CNTN4: variants seen among roughly 807,000 people sequenced by gnomAD.
The protein encoded by CNTN4 is contactin 4.
A neutral mutation model predicts 122.5 loss-of-function variants in CNTN4; 77 were observed. That is an observed-to-expected ratio of 0.63 (90% confidence interval 0.52 to 0.76). The LOEUF (loss-of-function observed/expected upper bound fraction) is 0.76, where lower values mean the gene tolerates loss of function less well. Among genes scored for constraint, CNTN4 ranks in the 30% least tolerant of loss-of-function variants. The pLI, the probability that CNTN4 is intolerant of heterozygous loss-of-function variation, is 0.00. For synonymous variants in CNTN4, 512 were observed against 447.0 expected (o/e 1.15, Z -1.83); for missense variants, 1,256 against 1,259.1 (o/e 1.00, Z 0.04).
chr3:2,513,622 T>C (rs1396675163), intron 3 of CNTN4, among the ~76,000 whole-genome samples: 2 of 152,204 alleles, frequency 1.3e-5, no homozygotes, highest in Non-Finnish European at 2.9e-5. Context: ...ATTTAGAAAT[T>C]TCAACTTATA....
chr3:2,125,921 G>GTGTGTGTGTGTGTGTA (rs1553570977), intron 2 of CNTN4, among the ~76,000 whole-genome samples: 1 of 150,492 alleles, frequency 6.6e-6, no homozygotes, highest in East Asian at 1.9e-4. Context: ...GTGTGTGTGT[G>GTGTGTGTGTGTGTGTA]TGTGTGTATG....
At chr3:2,353,214 A>G (rs774655038) in intron 3 of CNTN4, among the ~76,000 whole-genome samples, 2 of 151,306 alleles carry the variant, frequency 1.3e-5, no homozygotes, top group African/African-American at 2.4e-5. Flanking sequence ...GAGAACTTTT[A>G]TGTCTAGCTA....
At chr3:2,209,388 T>C (rs2038505194) in intron 2 of CNTN4, among the ~76,000 whole-genome samples, 1 of 152,186 alleles carries the variant, frequency 6.6e-6, no homozygotes, top group Non-Finnish European at 1.5e-5. Context: ...AGTTGGCTGA[T>C]CAAGTAGCTA....
At chr3:2,714,664 G>C (rs1452843627) in intron 4 of CNTN4, among the ~76,000 whole-genome samples, 2 of 152,202 alleles carry the variant, frequency 1.3e-5, no homozygotes, top group Non-Finnish European at 2.9e-5. Flanking sequence ...GACAGCCAGT[G>C]GGAGCTTACT....
chr3:2,710,421 C>T (rs1032272130), intron 4 of CNTN4, among the ~76,000 whole-genome samples: 2 of 152,140 alleles, frequency 1.3e-5, no homozygotes, highest in Non-Finnish European at 2.9e-5. Flanking sequence ...GACAGCTGCA[C>T]CCAGAATTTC....
At chr3:3,011,723 C>G (rs1697249968) in intron 14 of CNTN4, among the ~76,000 whole-genome samples, 1 of 152,100 alleles carries the variant, frequency 6.6e-6, no homozygotes, top group Non-Finnish European at 1.5e-5. Context: ...ACATTTTGTC[C>G]TGACTTAGAG....
intron 7 of CNTN4, among the ~76,000 whole-genome samples, chr3:2,857,672 G>A (rs754833371): frequency 6.6e-6 from 1 of 152,062 alleles, no homozygotes; most frequent in Non-Finnish European, 1.5e-5. Flanking sequence ...TGACCTCCTG[G>A]GCGCAAGCGA....
chr3:2,373,300 T>G (rs923879293), intron 3 of CNTN4, among the ~76,000 whole-genome samples: 3 of 152,156 alleles, frequency 2.0e-5, no homozygotes, highest in African/African-American at 7.2e-5. Context: ...AGTGGCTGTT[T>G]AAAGACCTAG....
At position 2,866,753 on chromosome 3, in the gene CNTN4, G is replaced by T; in HGVS notation, c.456G>T (p.Glu152Asp). ...LLCGPPPHSGELSYAWIFNEY... is the reference protein window; with the variant it reads ...LLCGPPPHSGDLSYAWIFNEY... ...TAATGAAGATTTTTTTCCTTTCAGA[G>T]CTGAGTTATGCCTGGATCTTCAATG... The change falls in exon 8 of 25, where the codon GAG becomes GAT. Residue 152 changes from glutamate (E) to aspartate (D), a missense_variant and splice_region_variant. Physicochemically the swap from Glu to Asp is conservative, Grantham distance 45 (BLOSUM62 2). Transcript: ENST00000418658. 1.2e-6 allele frequency: 2 copies of T among 1,613,686 alleles called. No homozygotes were observed. Among genetic ancestry groups the T allele is most frequent in the Middle Eastern group, 1.7e-4 (1 of 6,058 alleles).
At chr3:2,702,901 A>G (rs2086440090) in intron 4 of CNTN4, among the ~76,000 whole-genome samples, 1 of 152,218 alleles carries the variant, frequency 6.6e-6, no homozygotes. Flanking sequence ...GACTTTTCAA[A>G]GGAAATGTGG....
intron 2 of CNTN4, among the ~76,000 whole-genome samples, chr3:2,117,289 A>G (rs1349459204): frequency 1.3e-5 from 2 of 152,198 alleles, no homozygotes; most frequent in South Asian, 2.1e-4. Context: ...GGATGTTACA[A>G]AGGATACAGA....
chr3:2,989,688 C>T (rs1694890502), intron 14 of CNTN4, among the ~76,000 whole-genome samples: 1 of 152,174 alleles, frequency 6.6e-6, no homozygotes, highest in Non-Finnish European at 1.5e-5. Flanking sequence ...TTAATTACTT[C>T]CTCAGAGCAC....
At chr3:2,345,517 C>T (rs1039962858) in intron 3 of CNTN4, among the ~76,000 whole-genome samples, 3 of 151,950 alleles carry the variant, frequency 2.0e-5, no homozygotes, top group South Asian at 2.1e-4. Flanking sequence ...GTTGAATGGC[C>T]GGAATATCAG....
intron 6 of CNTN4, among the ~76,000 whole-genome samples, chr3:2,808,409 A>G (rs1008010295): frequency 2.6e-5 from 4 of 152,186 alleles, no homozygotes; most frequent in African/African-American, 4.8e-5. Context: ...ACAACCTGCT[A>G]ATTTTAATTT....
chr3:2,748,574 A>G (rs1372842696), intron 6 of CNTN4, among the ~76,000 whole-genome samples: 1 of 152,214 alleles, frequency 6.6e-6, no homozygotes, highest in African/African-American at 2.4e-5. Context: ...TAAACCTTTA[A>G]TTTAATATTA....
At chr3:2,303,927 A>G (rs1027802364) in intron 2 of CNTN4, among the ~76,000 whole-genome samples, 1 of 152,076 alleles carries the variant, frequency 6.6e-6, no homozygotes, top group Non-Finnish European at 1.5e-5. Context: ...TAAACGGTAT[A>G]TTTTGTGTCA....
chr3:2,533,905 C>G (rs533410762), intron 3 of CNTN4, among the ~76,000 whole-genome samples: 1 of 150,172 alleles, frequency 6.7e-6, no homozygotes, highest in East Asian at 2.0e-4. Context: ...GCACAAATGT[C>G]TTCTTTTGAG....
intron 3 of CNTN4, among the ~76,000 whole-genome samples, chr3:2,449,459 A>T (rs775327419): frequency 9.9e-5 from 15 of 152,134 alleles, no homozygotes; most frequent in Middle Eastern, 3.4e-3. Flanking sequence ...TACTAAAAAT[A>T]CAAAAATTAG....
intron 2 of CNTN4, among the ~76,000 whole-genome samples, chr3:2,335,220 G>A (rs531459648): frequency 7.0e-4 from 106 of 152,036 alleles, no homozygotes; most frequent in African/African-American, 2.5e-3. Context: ...ATTTTATTTA[G>A]TTTATAATAA....
Sources: allele counts gnomAD v4.1 joint callset (sites outside exome capture counted in the v4.1 genomes callset), GRCh38; gene constraint gnomAD v4.1.1; transcripts MANE v1.5; gene names NCBI Gene and HGNC (gene_info 2026-07-23, HGNC 2026-07-21).